The following ZSWIM9 variants were observed in gnomAD, a reference collection of about 807,000 sequenced individuals.
ZSWIM9 encodes the protein uncharacterized protein ZSWIM9.
Under a neutral mutation model 25.0 loss-of-function variants are expected in ZSWIM9, and 11 were observed. The observed-to-expected ratio is 0.44, with a 90% CI of 0.28 to 0.73. The LOEUF (loss-of-function observed/expected upper bound fraction) is 0.73. Among genes scored for constraint, ZSWIM9 ranks in the 30% least tolerant of loss-of-function variants. The pLI is 0.16. For missense variants in ZSWIM9, 1,070 were observed against 1,296.5 expected, an observed-to-expected ratio of 0.83 and a Z score of 2.68; for synonymous variants, 562 against 582.1, an observed-to-expected ratio of 0.97 and a Z score of 0.50.
rs977637586 is a variant in ZSWIM9 at position 48,195,544 on chromosome 19, A to G, written c.1480A>G (p.Lys494Glu). 9 of 1,413,994 alleles carry G rather than the reference A, an allele frequency of 6.4e-6. No individual in the cohort carries two copies. The highest frequency in any genetic ancestry group is 3.7e-4 in the Middle Eastern group (2 of 5,458). 87.6% of individuals were successfully genotyped at this position (1,413,994 alleles called of 1,614,324 possible). A position where few individuals can be genotyped will look rare whatever the true frequency, so the allele number is the denominator to read the frequency against. ...GSIWRGAQME[K>E]EWARALETRD... ...TATTTGGAGGGGAGCCCAGATGGAG[A>G]AGGAGTGGGCAAGGGCACTGGAAAC... The change falls in exon 4 of 4, where the codon AAG becomes GAG. Residue 494 changes from lysine to glutamate, a missense_variant. Physicochemically the swap from Lys to Glu is moderately conservative, Grantham distance 56. Transcript: ENST00000614654. This position sits in a 1 kb window ranked among gnomAD's most constrained non-coding sequence, Gnocchi z 5.8.
At position 48,194,149 on chromosome 19, in the gene ZSWIM9, A is replaced by G. The variant is rs982588789; in HGVS notation, c.589-504A>G. Among the ~76,000 whole-genome samples the G allele has an allele frequency of 6.6e-6, 1 of 152,152 alleles. No homozygotes were observed. The highest frequency in any genetic ancestry group is 2.4e-5 in the African/African-American group (1 of 41,422). ...CATTACCACCAGACCAGTCATCCTT[A>G]AGCATGCATAGGAGTCCCCTGGAGG... On this transcript the variant is annotated intron_variant, in intron 3 of 3. Coordinates refer to ENST00000614654, the MANE Select transcript of ZSWIM9 (RefSeq NM_199341.4). This position sits in a 1 kb window ranked among gnomAD's most constrained non-coding sequence, Gnocchi z 6.0.
At position 48,197,558 on chromosome 19, in the gene ZSWIM9, C is replaced by T; in HGVS notation, c.*731C>T. On this transcript the variant is annotated 3_prime_UTR_variant, in exon 4 of 4. Transcript: ENST00000614654. Reference sequence around the variant, plus strand: ...CACTGGGGGTCAGGAGAGTCTCCAGCAGGGGAGGGGAATTGTTTGGACTAT... The same window carrying T: ...CACTGGGGGTCAGGAGAGTCTCCAGTAGGGGAGGGGAATTGTTTGGACTAT... 2.2e-6 allele frequency: 1 copy of T among 457,506 alleles called. No homozygotes were observed. The highest frequency in any genetic ancestry group is 3.7e-5 in the East Asian group (1 of 27,274). The allele number at this position is 457,506 out of a possible 1,614,324, so 28.3% of individuals were successfully genotyped here.
At chr19:48,180,105 C>A (rs1243064422) in intron 2 of ZSWIM9, among the ~76,000 whole-genome samples, 1 of 152,100 alleles carries the variant, frequency 6.6e-6, no homozygotes, top group African/African-American at 2.4e-5. Context: ...CAACGTCCGC[C>A]TCCTGGGTTC....
At chr19:48,178,580 T>TC in intron 2 of ZSWIM9, among the ~76,000 whole-genome samples, 1 of 95,980 alleles carries the variant, frequency 1.0e-5, no homozygotes, top group East Asian at 6.3e-4. Flanking sequence ...GCCTACTTTT[T>TC]TTTTTCTTCT....
rs940227560 is a variant in ZSWIM9 at position 48,195,619 on chromosome 19, C to T, written c.1555C>T (p.Gln519Ter). 1.4e-6 allele frequency: 2 copies of T among 1,415,242 alleles called. No individual in the cohort carries two copies. Among genetic ancestry groups the T allele is most frequent in the Non-Finnish European group, 1.8e-6 (2 of 1,090,878 alleles). The allele number at this position is 1,415,242 out of a possible 1,614,324, so 87.7% of individuals were successfully genotyped here. Reference protein sequence around the residue: ...QFEGEKGRALQIRDWRGGRLE... With the variant: ...QFEGEKGRAL ...CGAAGGTGAGAAGGGGAGGGCACTGCAGATCAGAGATTGGAGAGGGGGTCG... is the reference window on the plus strand; with the variant it reads ...CGAAGGTGAGAAGGGGAGGGCACTGTAGATCAGAGATTGGAGAGGGGGTCG... The change falls in exon 4 of 4, where the codon CAG becomes TAG. Residue 519 changes from glutamine (Q) to a stop codon, truncating the protein, a stop_gained. Coordinates refer to ENST00000614654, the MANE Select transcript of ZSWIM9 (RefSeq NM_199341.4). LOFTEE classifies it low-confidence loss of function (END_TRUNC). The surrounding 1 kb of genome is among the most constrained non-coding windows in gnomAD (Gnocchi z 5.8).
chr19:48,187,575 A>C (rs10416171), intron 3 of ZSWIM9: 925 of 54,054 alleles, frequency 0.017, 30 homozygotes, highest in African/African-American at 0.048. Flanking sequence ...AATATTATAT[A>C]TATTATATAT....
intron 3 of ZSWIM9, among the ~76,000 whole-genome samples, chr19:48,189,809 A>G (rs2037073121): frequency 6.6e-6 from 1 of 152,220 alleles, no homozygotes; most frequent in Non-Finnish European, 1.5e-5. Flanking sequence ...TGATTAGACT[A>G]AAGAGGTGGG....
At chr19:48,176,605 G>A (rs567813657) in intron 2 of ZSWIM9, among the ~76,000 whole-genome samples, 1 of 151,814 alleles carries the variant, frequency 6.6e-6, no homozygotes, top group African/African-American at 2.4e-5. Flanking sequence ...TCAACCCTCA[G>A]TGTGAGGGTT....
chr19:48,197,220 CGGGGAGA>C lies in ZSWIM9; in HGVS notation c.*399_*405del, dbSNP rs947803676. ...AGACTGGCCAGTCTAGGGAGTGCAGCGGGGAGAGGGGAAAGGGAGAAAGTACAGAAGA... is the reference window on the plus strand; with the variant it reads ...AGACTGGCCAGTCTAGGGAGTGCAGCGGGGAAAGGGAGAAAGTACAGAAGA... On this transcript the variant is annotated 3_prime_UTR_variant, in exon 4 of 4. Transcript: ENST00000614654. The C allele has an allele frequency of 2.9e-6, 2 of 694,264 alleles. No individual in the cohort carries two copies. The highest frequency in any genetic ancestry group is 3.7e-5 in the African/African-American group (2 of 54,258). 43.0% of individuals were successfully genotyped at this position (694,264 alleles called of 1,614,324 possible).
rs1184974285 is a variant in ZSWIM9, at chr19:48,187,400, T to TTAATTATATATTA, written c.588+4649_588+4661dup. Among the ~76,000 whole-genome samples, 278 of 104,234 alleles carry TTAATTATATATTA rather than the reference T, an allele frequency of 2.7e-3. 4 individuals are homozygous for TTAATTATATATTA. Among genetic ancestry groups the TTAATTATATATTA allele is most frequent in the Non-Finnish European group, 4.9e-3 (269 of 54,402 alleles). 68.4% of individuals were successfully genotyped at this position (104,234 alleles called of 152,430 possible). A position where few individuals can be genotyped will look rare whatever the true frequency, so the allele number is the denominator to read the frequency against. ...ATAATGTAATAATTAATATATTATA[T>TTAATTATATATTA]TAATTATATATTATAATTATATATT... is the stretch of plus-strand genomic sequence containing the variant. On this transcript the variant is annotated intron_variant, in intron 3 of 3. Coordinates refer to ENST00000614654, the MANE Select transcript of ZSWIM9 (RefSeq NM_199341.4).
chr19:48,184,162 A>G (rs889556322), intron 3 of ZSWIM9, among the ~76,000 whole-genome samples: 1 of 151,936 alleles, frequency 6.6e-6, no homozygotes, highest in African/African-American at 2.4e-5. Flanking sequence ...GACAGTTCTA[A>G]GGGTGCTGTT....
At chr19:48,184,122 C>T (rs1041844679) in intron 3 of ZSWIM9, among the ~76,000 whole-genome samples, 1 of 151,802 alleles carries the variant, frequency 6.6e-6, no homozygotes, top group African/African-American at 2.4e-5. Flanking sequence ...AAGTTATCAT[C>T]AAGGAGAAAA....
chr19:48,173,669 C>G (rs892169574), intron 2 of ZSWIM9, among the ~76,000 whole-genome samples: 1 of 152,160 alleles, frequency 6.6e-6, no homozygotes, highest in African/African-American at 2.4e-5. Flanking sequence ...CGGAGTCTTG[C>G]TCTGCCATCC....
chr19:48,196,373 C>A lies in ZSWIM9; in HGVS notation c.2309C>A (p.Pro770Gln), dbSNP rs961655442. The change falls in exon 4 of 4, where the codon CCG becomes CAG. Residue 770 changes from proline to glutamine, a missense_variant. This residue lies in a region of ZSWIM9 where 583 missense variants were observed against 624.7 expected (regional missense o/e 0.93). Coordinates refer to ENST00000614654, the MANE Select transcript of ZSWIM9 (RefSeq NM_199341.4). ...GGGAATGGAGTCGTGTCTGGCACCCCGGTGGGGACTGTATTGGAAGGCAGC... is the reference window on the plus strand; with the variant it reads ...GGGAATGGAGTCGTGTCTGGCACCCAGGTGGGGACTGTATTGGAAGGCAGC... Reference protein sequence around the residue: ...GLGNGVVSGTPVGTVLEGSPE... With the variant: ...GLGNGVVSGTQVGTVLEGSPE... 9 of 1,232,464 alleles carry A rather than the reference C, an allele frequency of 7.3e-6. No individual in the cohort carries two copies. In the East Asian group the frequency reaches 2.8e-4, roughly 39 times the overall value. The allele number at this position is 1,232,464 out of a possible 1,614,324, so 76.3% of individuals were successfully genotyped here.
At position 48,194,745 on chromosome 19, in the gene ZSWIM9, C is replaced by T. The variant is rs1208689311; in HGVS notation, c.681C>T (p.Arg227=). The T allele has an allele frequency of 2.2e-5, 34 of 1,533,566 alleles. No homozygotes were observed. Among genetic ancestry groups the T allele is most frequent in the Non-Finnish European group, 3.0e-5 (34 of 1,145,746 alleles). The allele number at this position is 1,533,566 out of a possible 1,614,324, so 95.0% of individuals were successfully genotyped here. ...GGGCGCTGCTGCGGCGCTTCCCTCG[C>T]ATGCTGCTGGTGGACCGGCTGCCGG... The part of the protein sequence containing the change: ...RTRALLRRFP[R]MLLVDRLPGL... Residue 227 remains arginine, a synonymous_variant, in exon 4 of 4, where the codon CGC becomes CGT. Coordinates refer to ENST00000614654, the MANE Select transcript of ZSWIM9 (RefSeq NM_199341.4). The surrounding 1 kb of genome is among the most constrained non-coding windows in gnomAD (Gnocchi z 6.0).
rs56182393 is a variant in ZSWIM9 at position 48,182,387 on chromosome 19, A to AG, written c.276-66dup. 5.7e-6 allele frequency: 7 copies of AG among 1,236,808 alleles called. No homozygotes were observed. Among genetic ancestry groups the AG allele is most frequent in the Non-Finnish European group, 6.5e-6 (6 of 917,054 alleles). The allele number at this position is 1,236,808 out of a possible 1,614,324, so 76.6% of individuals were successfully genotyped here. A position where few individuals can be genotyped will look rare whatever the true frequency, so the allele number is the denominator to read the frequency against. ...AATTCTTAGTTTAAAAAAAAAAAAAAGGTGAGTGGAAAGGAAGAAGAGGGC... is the reference window on the plus strand; with the variant it reads ...AATTCTTAGTTTAAAAAAAAAAAAAAGGGTGAGTGGAAAGGAAGAAGAGGGC... On this transcript the variant is annotated intron_variant, in intron 2 of 3. Coordinates refer to ENST00000614654, the MANE Select transcript of ZSWIM9 (RefSeq NM_199341.4). This position sits in a 1 kb window ranked among gnomAD's most constrained non-coding sequence, Gnocchi z 4.6.
In ZSWIM9 at chr19:48,194,289, C is replaced by T. The variant is rs2037131267; in HGVS notation, c.589-364C>T. ...GTCCCAAGAACCGATGGTGATGCTG[C>T]TGGTCCAGGGCCCACATTTTGAGAC... On this transcript the variant is annotated intron_variant, in intron 3 of 3. Transcript: ENST00000614654. This position sits in a 1 kb window ranked among gnomAD's most constrained non-coding sequence, Gnocchi z 6.0. Among the ~76,000 whole-genome samples the T allele has an allele frequency of 6.6e-6, 1 of 152,116 alleles. No individual in the cohort carries two copies. Among genetic ancestry groups the T allele is most frequent in the Admixed American group, 6.5e-5 (1 of 15,278 alleles).
In ZSWIM9 at chr19:48,194,360, A is replaced by G. The variant is rs79038386; in HGVS notation, c.589-293A>G. On this transcript the variant is annotated intron_variant, in intron 3 of 3. Transcript: ENST00000614654. This position sits in a 1 kb window ranked among gnomAD's most constrained non-coding sequence, Gnocchi z 6.0. ...TCAGCACACGGAGGAATGAATAGCC[A>G]GCTTCCGGCGGAGGAAACTGAGGCT... 5.8e-3 allele frequency among the ~76,000 whole-genome samples: 879 copies of G among 152,300 alleles called. 7 individuals are homozygous for G. The highest frequency in any genetic ancestry group is 0.02 in the African/African-American group (814 of 41,550).
chr19:48,174,221 G>T (rs1285724429), intron 2 of ZSWIM9, among the ~76,000 whole-genome samples: 1 of 152,022 alleles, frequency 6.6e-6, no homozygotes, highest in Non-Finnish European at 1.5e-5. Flanking sequence ...CCTTTAGGCT[G>T]CCTGAGACAT....
Sources: allele counts gnomAD v4.1 joint callset (sites outside exome capture counted in the v4.1 genomes callset), GRCh38; gene constraint gnomAD v4.1.1; regional missense constraint gnomAD v4.1.1; non-coding constraint Gnocchi (gnomAD v3.1); transcripts MANE v1.5; gene names NCBI Gene and HGNC (gene_info 2026-07-23, HGNC 2026-07-21).